The following ABI3BP variants were observed in gnomAD, a reference collection of about 807,000 sequenced individuals.
The protein encoded by ABI3BP is ABI family member 3 binding protein, also known as target of Nesh-SH3.
ABI3BP carries 216 observed loss-of-function variants against 268.6 expected under a neutral mutation model. The observed-to-expected ratio is 0.80, with a 90% CI of 0.72 to 0.90. The LOEUF is 0.90. Ranked by LOEUF, ABI3BP falls within the 40% of genes least tolerant of loss-of-function variation. The probability of loss-of-function intolerance (pLI) is 0.00; values close to 1 mark genes in which losing one functional copy is unlikely to be tolerated. For missense variants in ABI3BP, 2,090 were observed against 2,182.4 expected, an observed-to-expected ratio of 0.96 and a Z score of 0.84; for synonymous variants, 730 against 730.0, an observed-to-expected ratio of 1.00 and a Z score of 0.00.
At chr3:100,849,465 C>T (rs1025795890) in intron 17 of ABI3BP, among the ~76,000 whole-genome samples, 2 of 152,172 alleles carry the variant, frequency 1.3e-5, no homozygotes, top group African/African-American at 4.8e-5. Context: ...CTCATGTGAT[C>T]TGCCTGCCTT....
Position 100,749,661 on chromosome 3 carries a change from A to ATTATC in ABI3BP, c.*829_*833dup, listed in dbSNP as rs2095218081. 1 of 398,550 alleles carries ATTATC rather than the reference A, an allele frequency of 2.5e-6. No individual in the cohort carries two copies. Among genetic ancestry groups the ATTATC allele is most frequent in the Middle Eastern group, 6.3e-4 (1 of 1,582 alleles). 24.7% of individuals were successfully genotyped at this position (398,550 alleles called of 1,614,324 possible). A position where few individuals can be genotyped will look rare whatever the true frequency, so the allele number is the denominator to read the frequency against. On this transcript the variant is annotated 3_prime_UTR_variant, in exon 68 of 68. Transcript: ENST00000471714. ...AAAATGGTAGGCAATCTCATCGTGC[A>ATTATC]TTATCTTTTTGTGCTCAGACTTGAC... is the stretch of plus-strand genomic sequence containing the variant.
chr3:100,908,633 A>G (rs2054702984), intron 2 of ABI3BP, among the ~76,000 whole-genome samples: 1 of 152,156 alleles, frequency 6.6e-6, no homozygotes, highest in African/African-American at 2.4e-5. Flanking sequence ...AGAGAGCCAA[A>G]TCATGAGTGA....
At chr3:100,986,836 T>C (rs1270386984) in intron 1 of ABI3BP, among the ~76,000 whole-genome samples, 1 of 152,228 alleles carries the variant, frequency 6.6e-6, no homozygotes, top group Non-Finnish European at 1.5e-5. Flanking sequence ...GCATTAAATA[T>C]CATGCCTGAT....
At chr3:100,929,674 A>T (rs765069436) in intron 1 of ABI3BP, among the ~76,000 whole-genome samples, 1 of 151,954 alleles carries the variant, frequency 6.6e-6, no homozygotes, top group Non-Finnish European at 1.5e-5. Flanking sequence ...TTCTCTTATT[A>T]CTTTTCAACA....
chr3:100,980,861 C>T (rs2089006458), intron 1 of ABI3BP, among the ~76,000 whole-genome samples: 1 of 152,186 alleles, frequency 6.6e-6, no homozygotes, highest in Admixed American at 6.5e-5. Context: ...CAAGATCCAA[C>T]TCAAAGATCC....
At chr3:100,938,118 G>A (rs1013334566) in intron 1 of ABI3BP, among the ~76,000 whole-genome samples, 6 of 151,876 alleles carry the variant, frequency 4.0e-5, no homozygotes, top group Non-Finnish European at 7.4e-5. Flanking sequence ...ACACAAAGAG[G>A]GGAACAACAC....
At position 100,750,513 on chromosome 3, in the gene ABI3BP, TGTA is replaced by T; in HGVS notation, c.5340_5342del (p.Thr1781del). On this transcript the variant is annotated inframe_deletion, in exon 68 of 68. Transcript: ENST00000471714. The stretch of plus-strand genomic sequence containing the variant: ...GCAGCATCTACCATTTTCCAGGAAT[TGTA>T]GTCCCACATTCATACCACTGAACAT... The T allele has an allele frequency of 6.2e-7, 1 of 1,612,428 alleles. No individual in the cohort carries two copies. The highest frequency in any genetic ancestry group is 8.5e-7 in the Non-Finnish European group (1 of 1,179,002).
intron 51 of ABI3BP, among the ~76,000 whole-genome samples, chr3:100,803,411 G>C (rs1302454177): frequency 2.1e-5 from 3 of 143,728 alleles, no homozygotes; most frequent in Non-Finnish European, 4.7e-5. Context: ...AGAAGGACTA[G>C]CTAACAGAGA....
intron 3 of ABI3BP, among the ~76,000 whole-genome samples, chr3:100,901,929 G>A (rs1165134812): frequency 6.6e-6 from 1 of 152,024 alleles, no homozygotes; most frequent in Non-Finnish European, 1.5e-5. Context: ...GAAATTAGAC[G>A]ACATAGAATT....
chr3:100,930,257 C>T (rs947739573), intron 1 of ABI3BP, among the ~76,000 whole-genome samples: 3 of 151,792 alleles, frequency 2.0e-5, no homozygotes, highest in Non-Finnish European at 4.4e-5. Flanking sequence ...ACTGGAAGAA[C>T]GTTTTATTGC....
chr3:100,912,019 A>G, intron 2 of ABI3BP: 1 of 759,016 alleles, frequency 1.3e-6, no homozygotes, highest in South Asian at 1.4e-5. Context: ...AATTGTATAA[A>G]CAACTTCAAC....
intron 10 of ABI3BP, among the ~76,000 whole-genome samples, chr3:100,865,261 T>C (rs2099038445): frequency 6.6e-6 from 1 of 152,224 alleles, no homozygotes. Context: ...TATTACTTTT[T>C]AAATCATTTA....
chr3:100,773,804 C>A (rs1016301381), intron 61 of ABI3BP, among the ~76,000 whole-genome samples: 2 of 152,164 alleles, frequency 1.3e-5, no homozygotes, highest in African/African-American at 4.8e-5. Flanking sequence ...AGAGAAATCT[C>A]CAAATATTTA....
In ABI3BP at chr3:100,750,445, C is replaced by T; in HGVS notation, c.*50G>A. 6 of 1,416,688 alleles carry T rather than the reference C, an allele frequency of 4.2e-6. No homozygotes were observed. Among genetic ancestry groups the T allele is most frequent in the Non-Finnish European group, 6.0e-6 (6 of 1,007,910 alleles). 87.8% of individuals were successfully genotyped at this position (1,416,688 alleles called of 1,614,324 possible). Reference sequence around the variant, plus strand: ...TTAAATGAATGCGGCATAGTATTTTCAATGATTTTTGTTTGCAATGATGAA... The same window carrying T: ...TTAAATGAATGCGGCATAGTATTTTTAATGATTTTTGTTTGCAATGATGAA... On this transcript the variant is annotated 3_prime_UTR_variant, in exon 68 of 68. Transcript: ENST00000471714.
intron 34 of ABI3BP, among the ~76,000 whole-genome samples, chr3:100,827,739 T>C (rs895697741): frequency 2.0e-5 from 3 of 152,146 alleles, no homozygotes; most frequent in Admixed American, 6.5e-5. Context: ...ATTAAATAAA[T>C]TTATTAATTC....
At position 100,886,299 on chromosome 3, in the gene ABI3BP, T is replaced by G; in HGVS notation, c.486A>C (p.Glu162Asp). ...NDRFYTIRYR[E>D]KDKEKKWIFQ... The stretch of plus-strand genomic sequence containing the variant: ...AAATCCACTTCTTTTCTTTATCCTT[T>G]TCTCGATAGCGAATTGTATAAAATC... Residue 162 changes from glutamate to aspartate, a missense_variant, in exon 5 of 68, where the codon GAA becomes GAC. By Grantham distance (45) the Glu-to-Asp change is conservative (BLOSUM62 2). Transcript: ENST00000471714. 1 of 1,603,172 alleles carries G rather than the reference T, an allele frequency of 6.2e-7. No homozygotes were observed. The highest frequency in any genetic ancestry group is 8.5e-7 in the Non-Finnish European group (1 of 1,174,638).
At chr3:100,840,337 A>AT (rs540976170) in intron 22 of ABI3BP, among the ~76,000 whole-genome samples, 173 bp from the exon 23 acceptor site, 6 of 152,048 alleles carry the variant, frequency 3.9e-5, no homozygotes, top group Non-Finnish European at 7.4e-5. Flanking sequence ...GTCTTGAATA[A>AT]TTTTTTTGTC....
intron 1 of ABI3BP, among the ~76,000 whole-genome samples, chr3:100,956,578 T>C (rs1052716238): frequency 1.8e-4 from 28 of 152,294 alleles, no homozygotes; most frequent in Admixed American, 2.0e-4. Flanking sequence ...AAAAAGTATA[T>C]GTTTGTATGT....
chr3:100,980,620 G>A (rs535833218), intron 1 of ABI3BP, among the ~76,000 whole-genome samples: 1 of 152,350 alleles, frequency 6.6e-6, no homozygotes, highest in African/African-American at 2.4e-5. Context: ...TAAACAAAGA[G>A]TGAGAGGAAA....
Sources: allele counts gnomAD v4.1 joint callset (sites outside exome capture counted in the v4.1 genomes callset), GRCh38; gene constraint gnomAD v4.1.1; transcripts MANE v1.5; gene names NCBI Gene and HGNC (gene_info 2026-07-23, HGNC 2026-07-21).